The following MSRA variants were observed in gnomAD, a reference collection of about 807,000 sequenced individuals.
The protein encoded by MSRA is mitochondrial peptide methionine sulfoxide reductase.
A neutral mutation model predicts 31.3 loss-of-function variants in MSRA; 54 were observed. That is an observed-to-expected ratio of 1.73 (90% CI 1.39 to 2.17). MSRA has a LOEUF of 2.17. Ranked by LOEUF, MSRA falls within the 30% of genes most tolerant of loss-of-function variation. The probability of loss-of-function intolerance (pLI) is 0.00; values close to 1 mark genes in which losing one functional copy is unlikely to be tolerated. For synonymous variants in MSRA, 169 were observed against 116.5 expected (o/e 1.45, Z -2.90); for missense variants, 507 against 300.9 (o/e 1.69, Z -5.07).
intron 1 of MSRA, among the ~76,000 whole-genome samples, chr8:10,089,503 G>A (rs1026947053): frequency 2.6e-5 from 4 of 152,210 alleles, no homozygotes; most frequent in Non-Finnish European, 4.4e-5. Flanking sequence ...TGTGGATATA[G>A]AAAGCAGCAT....
At chr8:10,274,671 C>T (rs117971781) in intron 3 of MSRA, among the ~76,000 whole-genome samples, 1 of 152,160 alleles carries the variant, frequency 6.6e-6, no homozygotes, top group Non-Finnish European at 1.5e-5. Flanking sequence ...TTATCCATCT[C>T]TCTACCCATC....
At chr8:10,337,744 G>A (rs933902714) in intron 5 of MSRA, 1 of 702,632 alleles carries the variant, frequency 1.4e-6, no homozygotes, top group Non-Finnish European at 2.6e-6. Flanking sequence ...CCATGCTGGG[G>A]CTCACTGCAG....
chr8:10,337,615 G>C (rs1803137177), intron 5 of MSRA: 1 of 670,762 alleles, frequency 1.5e-6, no homozygotes, highest in South Asian at 1.6e-5. Flanking sequence ...TAATTTTTCT[G>C]GTCCTGATAT....
intron 1 of MSRA, among the ~76,000 whole-genome samples, chr8:10,066,597 G>A (rs764078315): frequency 6.6e-6 from 1 of 152,080 alleles, no homozygotes; most frequent in African/African-American, 2.4e-5. Flanking sequence ...GCAATGGCGC[G>A]ATCTCTGCTC....
chr8:10,274,853 A>C (rs978579238), intron 3 of MSRA, among the ~76,000 whole-genome samples: 1 of 152,166 alleles, frequency 6.6e-6, no homozygotes, highest in Non-Finnish European at 1.5e-5. Flanking sequence ...CCAAGCAACC[A>C]TCCATCTACC....
intron 1 of MSRA, among the ~76,000 whole-genome samples, chr8:10,131,506 C>G (rs1296119538): frequency 6.6e-6 from 1 of 152,182 alleles, no homozygotes; most frequent in Non-Finnish European, 1.5e-5. Flanking sequence ...GTGAGAATAG[C>G]TAAGGTTAGC....
At chr8:10,310,115 T>C (rs902957426) in intron 4 of MSRA, among the ~76,000 whole-genome samples, 2 of 152,234 alleles carry the variant, frequency 1.3e-5, no homozygotes, top group Admixed American at 6.5e-5. Flanking sequence ...GTCACCAGTT[T>C]TGAAGGACTA....
At chr8:10,410,966 C>G (rs1275065434) in intron 5 of MSRA, 1 of 152,154 alleles carries the variant, frequency 6.6e-6, no homozygotes, top group Non-Finnish European at 1.5e-5. Context: ...TCTCCTCCCC[C>G]ACACCCATTT....
At position 10,075,440 on chromosome 8, in the gene MSRA, G is replaced by A. The variant is rs115033482; in HGVS notation, c.142+20782G>A. 1.3e-3 allele frequency among the ~76,000 whole-genome samples: 204 copies of A among 152,316 alleles called. 1 individual carries two copies. Among genetic ancestry groups the A allele is most frequent in the African/African-American group, 4.5e-3 (187 of 41,574 alleles). On this transcript the variant is annotated intron_variant, in intron 1 of 5. Transcript: ENST00000317173. ...TATTACGACTGTGTATGTGTGTCCA[G>A]TGGCTGACTTTCCAAGCAGTTATTA...
At chr8:10,122,801 C>A (rs1263041842) in intron 1 of MSRA, among the ~76,000 whole-genome samples, 2 of 152,070 alleles carry the variant, frequency 1.3e-5, no homozygotes, top group Admixed American at 1.3e-4. Context: ...GTTTCCTGTT[C>A]CTGTGTTAGT....
chr8:10,356,472 A>G (rs1211468766), intron 5 of MSRA, among the ~76,000 whole-genome samples: 3 of 152,206 alleles, frequency 2.0e-5, no homozygotes, highest in Non-Finnish European at 4.4e-5. Context: ...TGTAACAGCC[A>G]CTTCCATGCA....
chr8:10,166,492 CAT>C (rs569581436), intron 1 of MSRA, among the ~76,000 whole-genome samples: 1 of 151,832 alleles, frequency 6.6e-6, no homozygotes, highest in Non-Finnish European at 1.5e-5. Context: ...TGTGTGCATG[CAT>C]ATGTGTGTAT....
At chr8:10,319,851 C>T (rs767637439) in intron 4 of MSRA, 32 bp from the exon 5 acceptor site, 59 of 1,376,778 alleles carry the variant, frequency 4.3e-5, no homozygotes, top group Admixed American at 7.2e-5. Context: ...GCCTAGTGAC[C>T]GGGTAACCCT....
intron 5 of MSRA, among the ~76,000 whole-genome samples, chr8:10,424,851 A>T (rs1485946458): frequency 6.6e-6 from 1 of 152,156 alleles, no homozygotes. Flanking sequence ...CTGGAGGGAG[A>T]TGTCATGATT....
At chr8:10,349,513 A>C (rs1477424436) in intron 5 of MSRA, among the ~76,000 whole-genome samples, 4 of 152,124 alleles carry the variant, frequency 2.6e-5, no homozygotes, top group Non-Finnish European at 5.9e-5. Flanking sequence ...CTGCTTCCGC[A>C]TGGCATCTTG....
At chr8:10,363,769 C>A (rs1487513333) in intron 5 of MSRA, among the ~76,000 whole-genome samples, 1 of 151,336 alleles carries the variant, frequency 6.6e-6, no homozygotes, top group African/African-American at 2.4e-5. Flanking sequence ...CACACACACA[C>A]ACACACACAC....
chr8:10,189,194 A>T (rs1381236910), intron 1 of MSRA, among the ~76,000 whole-genome samples: 1 of 152,140 alleles, frequency 6.6e-6, no homozygotes, highest in Non-Finnish European at 1.5e-5. Flanking sequence ...ATTATAGTTT[A>T]TTTTTGCATA....
At chr8:10,310,516 T>G (rs1801376582) in intron 4 of MSRA, among the ~76,000 whole-genome samples, 1 of 152,212 alleles carries the variant, frequency 6.6e-6, no homozygotes, top group Non-Finnish European at 1.5e-5. Context: ...GCCTTTCTAG[T>G]GTTACAAGGG....
intron 5 of MSRA, among the ~76,000 whole-genome samples, chr8:10,418,043 C>T (rs1051803961): frequency 1.3e-5 from 2 of 152,118 alleles, no homozygotes; most frequent in Non-Finnish European, 2.9e-5. Context: ...AAGCCCGACC[C>T]TAATTTCCGA....
Sources: allele counts gnomAD v4.1 joint callset (sites outside exome capture counted in the v4.1 genomes callset), GRCh38; gene constraint gnomAD v4.1.1; transcripts MANE v1.5; gene names NCBI Gene and HGNC (gene_info 2026-07-23, HGNC 2026-07-21).